The following SHPRH variants were observed in gnomAD, a reference collection of about 807,000 sequenced individuals.
The protein encoded by SHPRH is SNF2 histone linker PHD RING helicase, also known as E3 ubiquitin-protein ligase SHPRH.
A neutral mutation model predicts 202.5 loss-of-function variants in SHPRH; 106 were observed. That is an observed-to-expected ratio of 0.52 (90% CI 0.45 to 0.62). The LOEUF (loss-of-function observed/expected upper bound fraction) is 0.62. SHPRH is among the 20% of genes least tolerant of loss of function. SHPRH has a pLI of 0.00. For synonymous variants in SHPRH, 729 were observed against 686.0 expected (o/e 1.06, Z -0.98); for missense variants, 1,710 against 2,020.0 (o/e 0.85, Z 2.94).
chr6:145,886,866 GAC>G (rs904051054), intron 29 of SHPRH, 79 bp from the exon 30 acceptor site: 8 of 1,427,548 alleles, frequency 5.6e-6, no homozygotes, highest in East Asian at 2.4e-5. Flanking sequence ...ATACGAACTA[GAC>G]ACATATTTTT....
Position 145,943,603 on chromosome 6 carries a change from A to C in SHPRH, c.1778T>G (p.Ile593Ser). Residue 593 changes from isoleucine to serine, a missense_variant, in exon 9 of 30, where the codon ATC becomes AGC. By Grantham distance (142) the Ile-to-Ser change is moderately radical. Transcript: ENST00000275233. Reference protein sequence around the residue: ...STKKGKSQPFINPDSQGHCPA... With the variant: ...STKKGKSQPFSNPDSQGHCPA... ...ACAGTGACCTTGTGAATCGGGATTG[A>C]TAAATGGTTGACTTTTTCCTTTTTT... 1 of 1,613,890 alleles carries C rather than the reference A, an allele frequency of 6.2e-7. No individual in the cohort carries two copies. Among genetic ancestry groups the C allele is most frequent in the Non-Finnish European group, 8.5e-7 (1 of 1,179,878 alleles).
intron 25 of SHPRH, 136 bp downstream of exon 25, chr6:145,910,312 G>T: frequency 2.2e-6 from 2 of 919,796 alleles, no homozygotes; most frequent in Non-Finnish European, 3.3e-6. Context: ...CTTTCAGGCA[G>T]TGTATCTACA....
downstream of SHPRH, among the ~76,000 whole-genome samples, chr6:145,880,345 C>T (rs1384646235): frequency 6.6e-6 from 1 of 151,990 alleles, no homozygotes; most frequent in African/African-American, 2.4e-5. Context: ...ATTAAAAATA[C>T]AGGCTGAGTG....
chr6:145,869,771 T>TTTG (rs1779968778), intron 2 of SHPRH, among the ~76,000 whole-genome samples: 1 of 152,088 alleles, frequency 6.6e-6, no homozygotes, highest in Non-Finnish European at 1.5e-5. Flanking sequence ...GTCTTCTGAC[T>TTTG]TTGTTCTTCT....
At chr6:145,950,184 G>T in intron 4 of SHPRH, 80 bp downstream of exon 4, 1 of 1,134,144 alleles carries the variant, frequency 8.8e-7, no homozygotes, top group South Asian at 1.5e-5. Context: ...TTATTTTAAT[G>T]ATCAATTTCA....
intron 9 of SHPRH, among the ~76,000 whole-genome samples, chr6:145,942,892 A>G (rs1341474124): frequency 2.0e-5 from 3 of 152,182 alleles, no homozygotes; most frequent in African/African-American, 7.2e-5. Context: ...ATACTCAAGA[A>G]TTTTTAAAAA....
chr6:145,868,222 A>G (rs756677001), intron 2 of SHPRH, among the ~76,000 whole-genome samples: 4 of 152,324 alleles, frequency 2.6e-5, no homozygotes, highest in Admixed American at 6.5e-5. Flanking sequence ...AGGGTCCACC[A>G]ATATGACCTC....
chr6:145,956,984 T>G (rs1189477871), intron 1 of SHPRH, among the ~76,000 whole-genome samples: 1 of 152,124 alleles, frequency 6.6e-6, no homozygotes, highest in Non-Finnish European at 1.5e-5. Flanking sequence ...TGACTTACAC[T>G]GATTCCAAGA....
chr6:145,894,896 C>T lies in SHPRH; in HGVS notation c.4597G>A (p.Val1533Ile), dbSNP rs200010391. 4 of 1,612,406 alleles carry T rather than the reference C, an allele frequency of 2.5e-6. No individual in the cohort carries two copies. Among genetic ancestry groups the T allele is most frequent in the Non-Finnish European group, 3.4e-6 (4 of 1,178,994 alleles). ...AATGTTGATTATACCGTTGAGAAAA[C>T]GAGTGCTTTGGCCCCTGGATCTCTA... ...QLRDPGAKAL[V>I]FSTWQDVLDI... Residue 1533 changes from valine (V) to isoleucine (I), a missense_variant, in exon 26 of 30, where the codon GTT (valine) becomes ATT (isoleucine). Physicochemically the swap from Val to Ile is conservative, Grantham distance 29 (BLOSUM62 3). Transcript: ENST00000275233.
chr6:145,897,733 A>T (rs1419299080), intron 25 of SHPRH, among the ~76,000 whole-genome samples: 3 of 152,166 alleles, frequency 2.0e-5, no homozygotes, highest in African/African-American at 7.2e-5. Flanking sequence ...TAACGTATGC[A>T]AACCAATAAA....
At chr6:145,959,169 A>AT (rs1040485828) in intron 1 of SHPRH, among the ~76,000 whole-genome samples, 5 of 152,298 alleles carry the variant, frequency 3.3e-5, no homozygotes, top group Admixed American at 1.3e-4. Context: ...TTTGTGTAGC[A>AT]TAAGTGTACA....
intron 28 of SHPRH, among the ~76,000 whole-genome samples, chr6:145,888,785 GGTAA>G (rs1294721979): frequency 3.9e-5 from 6 of 152,114 alleles, no homozygotes; most frequent in African/African-American, 1.2e-4. Context: ...TAGTCATCTG[GGTAA>G]GTAAGGGTGG....
At chr6:145,874,239 T>C (rs975234644) in intron 2 of SHPRH, among the ~76,000 whole-genome samples, 12 of 151,220 alleles carry the variant, frequency 7.9e-5, no homozygotes, top group African/African-American at 2.7e-4. Flanking sequence ...ATAATAATAA[T>C]GTGTGGGCAG....
chr6:145,887,863 T>G (rs886731170), intron 29 of SHPRH, among the ~76,000 whole-genome samples, 157 bp downstream of exon 29: 1 of 152,148 alleles, frequency 6.6e-6, no homozygotes, highest in South Asian at 2.1e-4. Context: ...TCTGGAGCAC[T>G]GACTGGGAAA....
rs759880541 is a variant in SHPRH, at chr6:145,946,267, G to A, written c.1287C>T (p.Ile429=). ...GAACTTTTTCTTTTGGTTCAAATTCGATATTCTGGATTTCTGTCTTTTTCA... is the reference window on the plus strand; with the variant it reads ...GAACTTTTTCTTTTGGTTCAAATTCAATATTCTGGATTTCTGTCTTTTTCA... ...GKLKKTEIQN[I]EFEPKEKVQC... The change falls in exon 7 of 30, where the codon ATC becomes ATT. Residue 429 remains isoleucine (I), a synonymous_variant. Coordinates refer to ENST00000275233, the MANE Select transcript of SHPRH (RefSeq NM_001042683.3). 7.5e-6 allele frequency: 12 copies of A among 1,608,498 alleles called. No homozygotes were observed. Among genetic ancestry groups the A allele is most frequent in the African/African-American group, 1.3e-5 (1 of 74,736 alleles).
chr6:145,946,020 A>C (rs1050429219), intron 7 of SHPRH, among the ~76,000 whole-genome samples: 1 of 152,094 alleles, frequency 6.6e-6, no homozygotes, highest in African/African-American at 2.4e-5. Context: ...AATATAACAG[A>C]CTGAGCAAGA....
chr6:145,922,544 T>G (rs1297809291), intron 19 of SHPRH, 119 bp downstream of exon 19: 16 of 1,292,118 alleles, frequency 1.2e-5, no homozygotes, highest in Non-Finnish European at 1.5e-5. Flanking sequence ...CATCTCTTTC[T>G]ACTTCTGTCT....
chr6:145,870,189 T>C (rs1779992530), intron 2 of SHPRH, among the ~76,000 whole-genome samples: 1 of 151,986 alleles, frequency 6.6e-6, no homozygotes, highest in Admixed American at 6.6e-5. Context: ...TTGTATATAT[T>C]AGTCTTCTCT....
intron 1 of SHPRH, among the ~76,000 whole-genome samples, chr6:145,957,672 A>G (rs879613766): frequency 3.3e-5 from 5 of 152,184 alleles, no homozygotes; most frequent in African/African-American, 4.8e-5. Context: ...CTATTCATAT[A>G]CTAAAATAGT....
Sources: allele counts gnomAD v4.1 joint callset (sites outside exome capture counted in the v4.1 genomes callset), GRCh38; gene constraint gnomAD v4.1.1; transcripts MANE v1.5; gene names NCBI Gene and HGNC (gene_info 2026-07-23, HGNC 2026-07-21).